The following SGCZ variants were observed in gnomAD, a reference collection of about 807,000 sequenced individuals.
SGCZ encodes the protein zeta-sarcoglycan.
SGCZ carries 40 observed loss-of-function variants against 41.3 expected under a neutral mutation model. That is an observed-to-expected ratio of 0.97 (90% CI 0.75 to 1.26). The LOEUF is 1.26. SGCZ is among the 50% of genes most tolerant of loss of function. The pLI is 0.00. For missense variants in SGCZ, 552 were observed against 369.8 expected (o/e 1.49, Z -4.04); for synonymous variants, 206 against 137.5 (o/e 1.50, Z -3.49).
chr8:14,123,030 T>G (rs879613590), intron 5 of SGCZ, among the ~76,000 whole-genome samples: 8 of 152,172 alleles, frequency 5.3e-5, no homozygotes, highest in Non-Finnish European at 1.0e-4. Context: ...CAGACTGTCC[T>G]GAGAAGTCAT....
intron 4 of SGCZ, among the ~76,000 whole-genome samples, chr8:14,228,946 G>C (rs931783687): frequency 6.6e-6 from 1 of 152,120 alleles, no homozygotes; most frequent in Admixed American, 6.6e-5. Flanking sequence ...TGCAAGAATG[G>C]TCTTTAGGAC....
At chr8:14,413,834 T>C (rs1799424385) in intron 2 of SGCZ, among the ~76,000 whole-genome samples, 1 of 151,924 alleles carries the variant, frequency 6.6e-6, no homozygotes, top group Admixed American at 6.6e-5. Flanking sequence ...AGAACATAAA[T>C]CCTAGGAGAA....
intron 2 of SGCZ, among the ~76,000 whole-genome samples, chr8:14,447,235 C>G (rs1332672969): frequency 6.6e-6 from 1 of 152,124 alleles, no homozygotes; most frequent in Non-Finnish European, 1.5e-5. Flanking sequence ...ACACATTTAT[C>G]AAGTAAAGAA....
At chr8:14,682,643 C>G (rs1808486064) in intron 1 of SGCZ, among the ~76,000 whole-genome samples, 1 of 152,040 alleles carries the variant, frequency 6.6e-6, no homozygotes, top group African/African-American at 2.4e-5. Context: ...ACTGTGTTAG[C>G]CAGGATGGTC....
At chr8:15,018,626 T>G (rs575757563) in intron 1 of SGCZ, among the ~76,000 whole-genome samples, 1 of 152,186 alleles carries the variant, frequency 6.6e-6, no homozygotes, top group Admixed American at 6.5e-5. Flanking sequence ...AGGGCTGGAA[T>G]GCAGGGACAG....
At chr8:15,066,865 A>G (rs1367336237) in intron 1 of SGCZ, among the ~76,000 whole-genome samples, 4 of 152,208 alleles carry the variant, frequency 2.6e-5, no homozygotes, top group Non-Finnish European at 5.9e-5. Context: ...AAGCAAGAGG[A>G]TTTCACTGTA....
At chr8:14,873,723 T>C (rs899554442) in intron 1 of SGCZ, among the ~76,000 whole-genome samples, 28 of 152,168 alleles carry the variant, frequency 1.8e-4, no homozygotes, top group Non-Finnish European at 3.7e-4. Flanking sequence ...CCCCAGCTCC[T>C]TCCACTGATT....
chr8:14,631,202 G>A (rs1806640336), intron 1 of SGCZ, among the ~76,000 whole-genome samples: 1 of 152,020 alleles, frequency 6.6e-6, no homozygotes, highest in African/African-American at 2.4e-5. Flanking sequence ...CCTCAGGGGT[G>A]AGGAGTCTGA....
chr8:14,917,280 A>T (rs1799464120), intron 1 of SGCZ, among the ~76,000 whole-genome samples: 1 of 147,562 alleles, frequency 6.8e-6, no homozygotes, highest in South Asian at 2.2e-4. Flanking sequence ...AAATGTTGAA[A>T]ATTCCAGTAA....
At chr8:14,211,622 G>A (rs955933282) in intron 4 of SGCZ, among the ~76,000 whole-genome samples, 1 of 151,918 alleles carries the variant, frequency 6.6e-6, no homozygotes, top group African/African-American at 2.4e-5. Flanking sequence ...CTGAAGGGCA[G>A]GGAAGCACGT....
rs546823467 is a variant in SGCZ, at chr8:14,262,704, T to C, written c.337-25025A>G. Reference sequence around the variant, plus strand: ...AACTTCAAGAACCTTGAATAAATAATACAAAAATCATCTACCATCATCAAA... The same window carrying C: ...AACTTCAAGAACCTTGAATAAATAACACAAAAATCATCTACCATCATCAAA... On this transcript the variant is annotated intron_variant, in intron 3 of 7. Transcript: ENST00000382080. 7.9e-5 allele frequency among the ~76,000 whole-genome samples: 12 copies of C among 151,192 alleles called. No individual in the cohort carries two copies. The South Asian group carries it at 2.1e-3, about 26-fold the overall frequency.
At chr8:15,134,457 T>C (rs981918633) in intron 1 of SGCZ, among the ~76,000 whole-genome samples, 2 of 152,126 alleles carry the variant, frequency 1.3e-5, no homozygotes, top group Non-Finnish European at 2.9e-5. Context: ...AAGCAAAAGG[T>C]ATTCCCTAAC....
intron 1 of SGCZ, among the ~76,000 whole-genome samples, chr8:14,979,707 T>C (rs1223994283): frequency 1.3e-5 from 2 of 152,200 alleles, no homozygotes; most frequent in East Asian, 1.9e-4. Context: ...ACCAATATTC[T>C]ACACTAAAAA....
At chr8:14,783,805 A>G (rs1336368363) in intron 1 of SGCZ, among the ~76,000 whole-genome samples, 1 of 152,116 alleles carries the variant, frequency 6.6e-6, no homozygotes, top group Admixed American at 6.5e-5. Flanking sequence ...TGTTTTATTT[A>G]ATTTCCCAAA....
At chr8:15,003,877 A>G (rs1038596390) in intron 1 of SGCZ, among the ~76,000 whole-genome samples, 2 of 152,162 alleles carry the variant, frequency 1.3e-5, no homozygotes, top group African/African-American at 4.8e-5. Context: ...TCTAATTTAG[A>G]AACCCTACCG....
intron 1 of SGCZ, among the ~76,000 whole-genome samples, chr8:14,740,099 G>C (rs1393040967): frequency 6.6e-6 from 1 of 152,004 alleles, no homozygotes; most frequent in Non-Finnish European, 1.5e-5. Flanking sequence ...AAATGCATAA[G>C]TGATTGTAGC....
At chr8:14,890,376 CA>C (rs1486858725) in intron 1 of SGCZ, among the ~76,000 whole-genome samples, 1 of 152,112 alleles carries the variant, frequency 6.6e-6, no homozygotes, top group Non-Finnish European at 1.5e-5. Context: ...GAAAGTGAAA[CA>C]GCCTTATTTT....
intron 2 of SGCZ, among the ~76,000 whole-genome samples, chr8:14,376,897 T>C (rs1804152093): frequency 6.6e-6 from 1 of 152,220 alleles, no homozygotes; most frequent in Non-Finnish European, 1.5e-5. Flanking sequence ...TAACATAATA[T>C]ACCACAGTGT....
chr8:14,654,729 G>A (rs1807506919), intron 1 of SGCZ, among the ~76,000 whole-genome samples: 4 of 149,036 alleles, frequency 2.7e-5, no homozygotes, highest in Middle Eastern at 3.4e-3. Context: ...GCACCGCCAT[G>A]CCCAGCTAAT....
Sources: allele counts gnomAD v4.1 joint callset (sites outside exome capture counted in the v4.1 genomes callset), GRCh38; gene constraint gnomAD v4.1.1; transcripts MANE v1.5; gene names NCBI Gene and HGNC (gene_info 2026-07-23, HGNC 2026-07-21).